The following ARHGEF5 variants were observed in gnomAD, a reference collection of about 807,000 sequenced individuals.
ARHGEF5 encodes the protein Rho guanine nucleotide exchange factor 5.
A neutral mutation model predicts 104.0 loss-of-function variants in ARHGEF5; 11 were observed. The observed-to-expected ratio is 0.11, with a 90% CI of 0.07 to 0.18. ARHGEF5 has a LOEUF of 0.18. ARHGEF5 is among the 10% of genes least tolerant of loss of function. ARHGEF5 has a pLI of 1.00. For synonymous variants in ARHGEF5, 60 were observed against 512.2 expected, an observed-to-expected ratio of 0.12 and a Z score of 11.92; for missense variants, 165 against 1,335.4, an observed-to-expected ratio of 0.12 and a Z score of 13.66.
chr7:144,361,001 G>A lies in ARHGEF5; in HGVS notation c.-12-1657G>A, dbSNP rs185315992. 3.4e-5 allele frequency among the ~76,000 whole-genome samples: 5 copies of A among 145,538 alleles called. No individual in the cohort carries two copies. The South Asian group carries it at 1.1e-3, about 32-fold the overall frequency. On this transcript the variant is annotated intron_variant, in intron 1 of 14. Transcript: ENST00000056217. The stretch of plus-strand genomic sequence containing the variant: ...TCACAACACTTCGGGAGGCCGAGGC[G>A]GGTGGATAACGAGGTCAGGAGATTG...
chr7:144,357,739 G>C (rs2053608598), intron 1 of ARHGEF5, among the ~76,000 whole-genome samples: 1 of 151,906 alleles, frequency 6.6e-6, no homozygotes, highest in African/African-American at 2.4e-5. Context: ...GGGGGCTCTA[G>C]GGAAGATAGT....
intron 1 of ARHGEF5, among the ~76,000 whole-genome samples, chr7:144,361,039 C>G (rs1465700304): frequency 6.9e-6 from 1 of 144,354 alleles, no homozygotes; most frequent in Non-Finnish European, 1.5e-5. Flanking sequence ...ACCATCCTGG[C>G]CAGAATGGTG....
rs1351484548 is a variant in ARHGEF5 at position 144,379,941 on chromosome 7, G to A, written c.4679G>A (p.Trp1560Ter). 1 of 1,614,092 alleles carries A rather than the reference G, an allele frequency of 6.2e-7. No homozygotes were observed. The highest frequency in any genetic ancestry group is 8.5e-7 in the Non-Finnish European group (1 of 1,180,054). Residue 1560 changes from tryptophan to a stop codon, truncating the protein, a stop_gained, in exon 15 of 15, where the codon TGG becomes TAG. Transcript: ENST00000056217. LOFTEE classifies it high-confidence loss of function. ...GVRLSDGERG[W>*]FPVQQVEFIS... ...AGGCTCTCAGACGGGGAGCGAGGCT[G>A]GTTTCCTGTGCAGCAGGTGGAGTTC...
chr7:144,379,852 C>T (rs761964227), intron 14 of ARHGEF5, 47 bp from the exon 15 acceptor site: 152 of 1,610,396 alleles, frequency 9.4e-5, no homozygotes, highest in Non-Finnish European at 1.2e-4. Context: ...GAGAAGCTAT[C>T]GTGAGCCTTT....
chr7:144,358,704 A>G, intron 1 of ARHGEF5, among the ~76,000 whole-genome samples: 1 of 72,412 alleles, frequency 1.4e-5, no homozygotes, highest in Non-Finnish European at 2.7e-5. Flanking sequence ...TGTGCTAGGG[A>G]CCTGCCTGTT....
chr7:144,377,357 C>T (rs959475088), intron 13 of ARHGEF5, among the ~76,000 whole-genome samples, 167 bp downstream of exon 13: 3 of 152,180 alleles, frequency 2.0e-5, no homozygotes, highest in South Asian at 2.1e-4. Flanking sequence ...TGAAATATAT[C>T]GCCTAAAACT....
chr7:144,357,860 C>T (rs1166077567), intron 1 of ARHGEF5, among the ~76,000 whole-genome samples: 21 of 112,854 alleles, frequency 1.9e-4, no homozygotes, highest in African/African-American at 5.9e-4. Context: ...GAAGCAAGGC[C>T]GTATCCCCAT....
intron 13 of ARHGEF5, among the ~76,000 whole-genome samples, chr7:144,378,547 G>GTC (rs1178126735): frequency 1.3e-5 from 2 of 152,182 alleles, no homozygotes; most frequent in Non-Finnish European, 2.9e-5. Flanking sequence ...TTCTCAACCC[G>GTC]TCTCCTCTGG....
rs1394024527 is a variant in ARHGEF5 at position 144,380,175 on chromosome 7, A to G, written c.*119A>G. 1.5e-6 allele frequency: 2 copies of G among 1,352,560 alleles called. No homozygotes were observed. The highest frequency in any genetic ancestry group is 2.9e-5 in the African/African-American group (2 of 68,866). The allele number at this position is 1,352,560 out of a possible 1,614,324, so 83.8% of individuals were successfully genotyped here. On this transcript the variant is annotated 3_prime_UTR_variant, in exon 15 of 15. Transcript: ENST00000056217. ...GAGAACTAGGCCTTCTCAAAGCTCA[A>G]GGACAAAATCCAGCTAACCCAGTCC...
chr7:144,360,903 G>A (rs1320080481), intron 1 of ARHGEF5, among the ~76,000 whole-genome samples: 1 of 145,846 alleles, frequency 6.9e-6, no homozygotes, highest in African/African-American at 2.5e-5. Flanking sequence ...GTTGGTAAGT[G>A]CTACAAAGAG....
At chr7:144,357,727 G>T (rs1438049472) in intron 1 of ARHGEF5, among the ~76,000 whole-genome samples, 27 of 151,928 alleles carry the variant, frequency 1.8e-4, no homozygotes, top group African/African-American at 6.5e-4. Context: ...TAAGGTGTTG[G>T]GGGGGGCTCT....
rs149995486 is a variant in ARHGEF5 at position 144,378,821 on chromosome 7, C to G, written c.4591C>G (p.Leu1531Val). The G allele has an allele frequency of 6.2e-7, 1 of 1,614,136 alleles. No individual in the cohort carries two copies. Among genetic ancestry groups the G allele is most frequent in the Non-Finnish European group, 8.5e-7 (1 of 1,180,012 alleles). The part of the protein sequence containing the change: ...YKPRENDELA[L>V]EKADVVMVTQ... ...GCCCCGAGAGAATGATGAATTGGCA[C>G]TGGAGAAAGCCGACGTGGTGATGGT... Residue 1531 changes from leucine (L) to valine (V), a missense_variant, in exon 14 of 15, where the codon CTG becomes GTG. Physicochemically the swap from Leu to Val is conservative, Grantham distance 32. Transcript: ENST00000056217.
At position 144,363,252 on chromosome 7, in the gene ARHGEF5, C is replaced by G. The variant is rs762874471; in HGVS notation, c.583C>G (p.Gln195Glu). The G allele has an allele frequency of 6.3e-7, 1 of 1,592,168 alleles. No individual in the cohort carries two copies. The highest frequency in any genetic ancestry group is 1.1e-5 in the South Asian group (1 of 90,638). Residue 195 changes from glutamine (Q) to glutamate (E), a missense_variant, in exon 2 of 15, where the codon CAG (glutamine) becomes GAG (glutamate). Physicochemically the swap from Gln to Glu is conservative, Grantham distance 29 (BLOSUM62 2). Transcript: ENST00000056217. ...CGAAGAGCATCCTGCAGAGACCAAC[C>G]AGAATGAAGGCTCTGAAAGTGGGAC... ...PCEEHPAETN[Q>E]NEGSESGTIR...
At chr7:144,377,381 GC>G (rs1480983910) in intron 13 of ARHGEF5, among the ~76,000 whole-genome samples, 191 bp downstream of exon 13, 1 of 152,154 alleles carries the variant, frequency 6.6e-6, no homozygotes, top group Non-Finnish European at 1.5e-5. Flanking sequence ...CATCACTATG[GC>G]AGTCCCCCTT....
At position 144,363,345 on chromosome 7, in the gene ARHGEF5, G is replaced by T. The variant is rs1337970694; in HGVS notation, c.676G>T (p.Glu226Ter). 1 of 1,591,448 alleles carries T rather than the reference G, an allele frequency of 6.3e-7. No individual in the cohort carries two copies. The highest frequency in any genetic ancestry group is 2.2e-5 in the East Asian group (1 of 44,888). ...AAGTCAAGGGCTCTTGCATCCCCAG[G>T]AGGTCCAAGTTCTGGAGGAGCAGGG... ...QESQGLLHPQ[E>*]VQVLEEQGQQ... is the part of the protein sequence containing the mutation. The change falls in exon 2 of 15, where the codon GAG becomes TAG. Residue 226 changes from glutamate to a stop codon, truncating the protein, a stop_gained. Coordinates refer to ENST00000056217, the MANE Select transcript of ARHGEF5 (RefSeq NM_005435.4). LOFTEE classifies it high-confidence loss of function.
chr7:144,361,255 A>C (rs1185826820), intron 1 of ARHGEF5, among the ~76,000 whole-genome samples: 1 of 110,780 alleles, frequency 9.0e-6, no homozygotes, highest in African/African-American at 3.2e-5. Context: ...AAGAAAAAAA[A>C]AAAAAGACTG....
chr7:144,380,243 G>C lies in ARHGEF5; in HGVS notation c.*187G>C. ...TTCGTGCTTTGTGCTTGGTGGGGGG[G>C]ATTTCGAGGGACTTTGCACTGGACT... is the stretch of plus-strand genomic sequence containing the variant. On this transcript the variant is annotated 3_prime_UTR_variant, in exon 15 of 15. Coordinates refer to ENST00000056217, the MANE Select transcript of ARHGEF5 (RefSeq NM_005435.4). The C allele has an allele frequency of 1.5e-6, 1 of 660,512 alleles. No homozygotes were observed. The highest frequency in any genetic ancestry group is 2.5e-6 in the Non-Finnish European group (1 of 404,370). The allele number at this position is 660,512 out of a possible 1,614,324, so 40.9% of individuals were successfully genotyped here. A position where few individuals can be genotyped will look rare whatever the true frequency, so the allele number is the denominator to read the frequency against.
At chr7:144,357,443 G>T (rs1197858859) in intron 1 of ARHGEF5, among the ~76,000 whole-genome samples, 2 of 138,202 alleles carry the variant, frequency 1.4e-5, no homozygotes, top group Admixed American at 1.5e-4. Flanking sequence ...AGCTACCCCT[G>T]TTTTGATATC....
In ARHGEF5 at chr7:144,363,309, G is replaced by A. The variant is rs573109259; in HGVS notation, c.640G>A (p.Glu214Lys). 35 of 1,592,562 alleles carry A rather than the reference G, an allele frequency of 2.2e-5. No individual in the cohort carries two copies. Among genetic ancestry groups the A allele is most frequent in the Non-Finnish European group, 2.8e-5 (33 of 1,164,434 alleles). Residue 214 changes from glutamate to lysine, a missense_variant, in exon 2 of 15, where the codon GAG (glutamate) becomes AAG (lysine). Glu to Lys is a moderately conservative substitution (Grantham distance 56). Coordinates refer to ENST00000056217, the MANE Select transcript of ARHGEF5 (RefSeq NM_005435.4). ...IRQGEELPPEELQESQGLLHP... is the reference protein window; with the variant it reads ...IRQGEELPPEKLQESQGLLHP... ...GCAGGGGGAAGAGCTGCCACCTGAG[G>A]AGCTGCAGGAAAGTCAAGGGCTCTT...
Sources: allele counts gnomAD v4.1 joint callset (sites outside exome capture counted in the v4.1 genomes callset), GRCh38; gene constraint gnomAD v4.1.1; transcripts MANE v1.5; gene names NCBI Gene and HGNC (gene_info 2026-07-23, HGNC 2026-07-21).